The following ADI1 variants were observed in gnomAD, a reference collection of about 807,000 sequenced individuals.
ADI1 encodes the protein acireductone dioxygenase 1, also known as acireductone dioxygenase.
A neutral mutation model predicts 18.7 loss-of-function variants in ADI1; 21 were observed. The observed-to-expected ratio is 1.13, with a 90% CI of 0.80 to 1.62. The LOEUF is 1.62. Ranked by LOEUF, ADI1 falls within the 40% of genes most tolerant of loss-of-function variation. The pLI, the probability that ADI1 is intolerant of heterozygous loss-of-function variation, is 0.00. For synonymous variants in ADI1, 90 were observed against 100.1 expected (o/e 0.90, Z 0.60); for missense variants, 245 against 254.9 (o/e 0.96, Z 0.26).
intron 2 of ADI1, among the ~76,000 whole-genome samples, chr2:3,504,873 TGTC>T (rs1392476172): frequency 6.6e-6 from 1 of 152,246 alleles, no homozygotes; most frequent in East Asian, 1.9e-4. Flanking sequence ...ATGTTTGTAT[TGTC>T]GGTTCACCTG....
At position 3,502,206 on chromosome 2, in the gene ADI1, T is replaced by A. The variant is rs539662796; in HGVS notation, c.241-1213A>T. On this transcript the variant is annotated intron_variant, in intron 2 of 3. Coordinates refer to ENST00000327435, the MANE Select transcript of ADI1 (RefSeq NM_018269.4). ...ATACCTGGCTAATTTTTTAAAAAAA[T>A]TTTTTCTAGAGACAGGGTCTTATTA... 5.8e-4 allele frequency among the ~76,000 whole-genome samples: 88 copies of A among 152,070 alleles called. No homozygotes were observed. In the Middle Eastern group the frequency reaches 0.024, roughly 41 times the overall value.
intron 2 of ADI1, among the ~76,000 whole-genome samples, chr2:3,504,164 C>T (rs967809336): frequency 5.9e-5 from 9 of 152,230 alleles, no homozygotes; most frequent in Non-Finnish European, 2.9e-5. Flanking sequence ...GGCACGTTGA[C>T]ATCAGCAGTG....
intron 1 of ADI1, chr2:3,516,932 T>TA (rs1461458885): frequency 2.0e-6 from 2 of 985,228 alleles, no homozygotes; most frequent in Non-Finnish European, 2.4e-6. Context: ...TGGGTTTTTT[T>TA]AGAGATGAGG....
At chr2:3,509,140 T>G (rs1278945176) in intron 2 of ADI1, among the ~76,000 whole-genome samples, 2 of 152,056 alleles carry the variant, frequency 1.3e-5, no homozygotes, top group African/African-American at 4.8e-5. Flanking sequence ...CATAACAATC[T>G]TAAACACATA....
chr2:3,504,234 C>T (rs148638487), intron 2 of ADI1, among the ~76,000 whole-genome samples: 4 of 152,320 alleles, frequency 2.6e-5, no homozygotes, highest in African/African-American at 4.8e-5. Context: ...TACAAACACA[C>T]GACCTAACAC....
At chr2:3,518,905 C>T (rs1667490854) in intron 1 of ADI1, among the ~76,000 whole-genome samples, 1 of 152,206 alleles carries the variant, frequency 6.6e-6, no homozygotes, top group African/African-American at 2.4e-5. Context: ...CAGCGAGTCC[C>T]GGCTGCGAGG....
chr2:3,508,765 G>A (rs1667231531), intron 2 of ADI1, among the ~76,000 whole-genome samples: 1 of 152,090 alleles, frequency 6.6e-6, no homozygotes, highest in South Asian at 2.1e-4. Context: ...TTAGCCAGTT[G>A]TGGTGGTGTG....
At chr2:3,514,108 C>G in intron 1 of ADI1, 132 bp from the exon 2 acceptor site, 1 of 1,049,018 alleles carries the variant, frequency 9.5e-7, no homozygotes. Context: ...CCTCAACTAA[C>G]TCTCTTCATC....
At chr2:3,506,988 T>C (rs1192398108) in intron 2 of ADI1, among the ~76,000 whole-genome samples, 1 of 152,278 alleles carries the variant, frequency 6.6e-6, no homozygotes, top group African/African-American at 2.4e-5. Flanking sequence ...ATTACCCATC[T>C]GTTCTTGCAT....
intron 2 of ADI1, among the ~76,000 whole-genome samples, chr2:3,506,851 C>G (rs1463379966): frequency 2.0e-5 from 3 of 152,122 alleles, no homozygotes; most frequent in Non-Finnish European, 4.4e-5. Flanking sequence ...AAAAATAGAT[C>G]AACTGATCTT....
rs1464223324 is a variant in ADI1, at chr2:3,515,888, G to C, written c.121-1912C>G. The C allele has an allele frequency of 1.4e-5, 14 of 984,550 alleles. No individual in the cohort carries two copies. The African/African-American group carries it at 2.1e-4, about 15-fold the overall frequency. 61.0% of individuals were successfully genotyped at this position (984,550 alleles called of 1,614,324 possible). Reference sequence around the variant, plus strand: ...ACCTATGTTGAAATATTGGGGGTGGGTTCCCCCGATACTCCAGAACATATT... The same window carrying C: ...ACCTATGTTGAAATATTGGGGGTGGCTTCCCCCGATACTCCAGAACATATT... On this transcript the variant is annotated intron_variant, in intron 1 of 3. Coordinates refer to ENST00000327435, the MANE Select transcript of ADI1 (RefSeq NM_018269.4).
At chr2:3,514,328 CAT>C (rs889536951) in intron 1 of ADI1, among the ~76,000 whole-genome samples, 1 of 152,204 alleles carries the variant, frequency 6.6e-6, no homozygotes, top group African/African-American at 2.4e-5. Context: ...CCATCCCACT[CAT>C]GAGTCTCATT....
At position 3,498,454 on chromosome 2, in the gene ADI1, A is replaced by C. The variant is rs578052592; in HGVS notation, c.*509T>G. On this transcript the variant is annotated 3_prime_UTR_variant, in exon 4 of 4. Coordinates refer to ENST00000327435, the MANE Select transcript of ADI1 (RefSeq NM_018269.4). ...TAAGGTAACTCCAAGCCATGAGTAT[A>C]AGATTAAGGCAGTTACTTTATTTTG... 13 of 152,602 alleles carry C rather than the reference A, an allele frequency of 8.5e-5. 1 individual carries two copies. Among genetic ancestry groups the C allele is most frequent in the African/African-American group, 3.1e-4 (13 of 41,584 alleles). 9.5% of individuals were successfully genotyped at this position (152,602 alleles called of 1,614,324 possible).
chr2:3,507,066 AGACTGGGTAATTTATAAAG>A (rs779105423), intron 2 of ADI1, among the ~76,000 whole-genome samples: 1 of 152,204 alleles, frequency 6.6e-6, no homozygotes, highest in Non-Finnish European at 1.5e-5. Context: ...CAACTGCCCA[AGACTGGGTAATTTATAAAG>A]GAAAGAAGTT....
chr2:3,519,259 C>T, intron 1 of ADI1, 109 bp downstream of exon 1: 5 of 1,298,614 alleles, frequency 3.9e-6, no homozygotes, highest in Middle Eastern at 2.9e-4. Flanking sequence ...GCATGCGCAG[C>T]ATGCCGCGGC....
chr2:3,506,250 A>C (rs1042467919), intron 2 of ADI1, among the ~76,000 whole-genome samples: 1 of 152,238 alleles, frequency 6.6e-6, no homozygotes, highest in Admixed American at 6.5e-5. Flanking sequence ...GAAAGGAAGA[A>C]ATAAAACTCC....
chr2:3,505,978 G>A (rs908939781), intron 2 of ADI1, among the ~76,000 whole-genome samples: 1 of 152,212 alleles, frequency 6.6e-6, no homozygotes, highest in African/African-American at 2.4e-5. Context: ...GACCTTGGGC[G>A]TCCCTGCCTG....
rs1348357776 is a variant in ADI1, at chr2:3,519,411, A to G, written c.77T>C (p.Val26Ala). The G allele has an allele frequency of 4.3e-6, 6 of 1,393,994 alleles. No homozygotes were observed. The highest frequency in any genetic ancestry group is 1.6e-5 in the South Asian group (1 of 62,820). 86.4% of individuals were successfully genotyped at this position (1,393,994 alleles called of 1,614,324 possible). Reference sequence around the variant, plus strand: ...GAGCCGCCGCAGCTGCTCCAGGCCCACTGGGCGGCCGGGGTCGGGGCGGTG... The same window carrying G: ...GAGCCGCCGCAGCTGCTCCAGGCCCGCTGGGCGGCCGGGGTCGGGGCGGTG... ...QPHRPDPGRP[V>A]GLEQLRRLGV... Residue 26 changes from valine to alanine, a missense_variant, in exon 1 of 4, where the codon GTG becomes GCG. Val to Ala is a moderately conservative substitution (Grantham distance 64). Coordinates refer to ENST00000327435, the MANE Select transcript of ADI1 (RefSeq NM_018269.4).
chr2:3,510,096 T>C (rs976637836), intron 2 of ADI1, among the ~76,000 whole-genome samples: 15 of 151,006 alleles, frequency 9.9e-5, no homozygotes, highest in African/African-American at 3.7e-4. Context: ...AGAGCCGAGA[T>C]TGTGCCATTG....
Sources: gnomAD v4.1 joint callset for allele counts (sites outside exome capture counted in the v4.1 genomes callset) on GRCh38, gnomAD v4.1.1 for gene constraint, MANE v1.5 for transcripts, NCBI Gene and HGNC (gene_info 2026-07-23, HGNC 2026-07-21) for gene names.